The following PCDHGA10 variants were observed in gnomAD, a reference collection of about 807,000 sequenced individuals.
The protein encoded by PCDHGA10 is protocadherin gamma-A10.
In PCDHGA10, 42 loss-of-function variants were observed where a neutral mutation model predicts 59.5. The observed-to-expected ratio is 0.71, with a 90% CI of 0.55 to 0.91. The LOEUF is 0.91. Among genes scored for constraint, PCDHGA10 ranks in the 40% least tolerant of loss-of-function variants. The pLI, the probability that PCDHGA10 is intolerant of heterozygous loss-of-function variation, is 0.00. For missense variants in PCDHGA10, 1,111 were observed against 1,198.2 expected, an observed-to-expected ratio of 0.93 and a Z score of 1.07; for synonymous variants, 511 against 517.2, an observed-to-expected ratio of 0.99 and a Z score of 0.16.
rs1364415249 is a variant in PCDHGA10 at position 141,489,240 on chromosome 5, C to A, written c.2437-5567C>A. The stretch of plus-strand genomic sequence containing the variant: ...ACTCTCCACAAAGGGACTTCTGGGT[C>A]ATGGGGCCCAAGACACTCCCACAGC... On this transcript the variant is annotated intron_variant, in intron 1 of 3. Coordinates refer to ENST00000398610, the MANE Select transcript of PCDHGA10 (RefSeq NM_018913.3). The surrounding 1 kb of genome is among the most constrained non-coding windows in gnomAD (Gnocchi z 4.5). 1 of 1,534,136 alleles carries A rather than the reference C, an allele frequency of 6.5e-7. No individual in the cohort carries two copies. Among genetic ancestry groups the A allele is most frequent in the South Asian group, 1.3e-5 (1 of 76,896 alleles).
rs1455950284 is a variant in PCDHGA10 at position 141,414,163 on chromosome 5, G to A, written c.988G>A (p.Ala330Thr). ...AGAAATACAAGCAGAAGATGGAGGA[G>A]CATATCTTGCAACTGCAAAAGTGTT... ...EIEIQAEDGG[A>T]YLATAKVLIT... The change falls in exon 1 of 4, where the codon GCA (alanine) becomes ACA (threonine). Residue 330 changes from alanine to threonine, a missense_variant. By Grantham distance (58) the Ala-to-Thr change is moderately conservative. Transcript: ENST00000398610. The A allele has an allele frequency of 5.6e-6, 9 of 1,603,256 alleles. No individual in the cohort carries two copies. Among genetic ancestry groups the A allele is most frequent in the Non-Finnish European group, 7.7e-6 (9 of 1,174,742 alleles).
At chr5:141,420,483 T>C in intron 1 of PCDHGA10, 2 of 581,364 alleles carry the variant, frequency 3.4e-6, no homozygotes, top group Non-Finnish European at 5.2e-6. Context: ...GCAAACTACA[T>C]GGGTAATCTC....
rs1267617024 is a variant in PCDHGA10 at position 141,476,542 on chromosome 5, G to T, written c.2437-18265G>T. The T allele has an allele frequency of 6.2e-7, 1 of 1,614,210 alleles. No individual in the cohort carries two copies. The highest frequency in any genetic ancestry group is 1.7e-5 in the Admixed American group (1 of 60,036). On this transcript the variant is annotated intron_variant, in intron 1 of 3. Transcript: ENST00000398610. This position sits in a 1 kb window ranked among gnomAD's most constrained non-coding sequence, Gnocchi z 7.6. ...CTTTCCCTACCCAGGAAATGAAATT[G>T]GAGATTAGCGAGGCCGTGGCTCCGG...
chr5:141,475,616 G>A (rs2099366026), intron 1 of PCDHGA10, among the ~76,000 whole-genome samples: 1 of 152,206 alleles, frequency 6.6e-6, no homozygotes, highest in Admixed American at 6.5e-5. Flanking sequence ...GTAGTTTTCG[G>A]TTTGGTTCGA....
Position 141,489,629 on chromosome 5 carries a change from C to T in PCDHGA10, c.2437-5178C>T. Reference sequence around the variant, plus strand: ...GAGATCCTGGATCTCAATGACAACTCTCCTAGCTTTGCCACCCCTGAGCGA... The same window carrying T: ...GAGATCCTGGATCTCAATGACAACTTTCCTAGCTTTGCCACCCCTGAGCGA... On this transcript the variant is annotated intron_variant, in intron 1 of 3. Transcript: ENST00000398610. This position sits in a 1 kb window ranked among gnomAD's most constrained non-coding sequence, Gnocchi z 4.5. 6.2e-7 allele frequency: 1 copy of T among 1,614,142 alleles called. No homozygotes were observed. The highest frequency in any genetic ancestry group is 1.7e-5 in the Admixed American group (1 of 60,032).
intron 1 of PCDHGA10, chr5:141,441,802 T>C (rs2098274220): frequency 2.6e-6 from 1 of 382,538 alleles, no homozygotes; most frequent in South Asian, 2.1e-5. Flanking sequence ...GCACCGCGGG[T>C]GCTGTACCCC....
Position 141,477,588 on chromosome 5 carries a change from G to T in PCDHGA10, c.2437-17219G>T. 1 of 1,614,152 alleles carries T rather than the reference G, an allele frequency of 6.2e-7. No individual in the cohort carries two copies. The highest frequency in any genetic ancestry group is 8.5e-7 in the Non-Finnish European group (1 of 1,180,040). ...GACCCCGACGCCCCGCAGAATGCTCGGCTTTCTTTCTTTCTCTTGGAGCAA... is the reference window on the plus strand; with the variant it reads ...GACCCCGACGCCCCGCAGAATGCTCTGCTTTCTTTCTTTCTCTTGGAGCAA... On this transcript the variant is annotated intron_variant, in intron 1 of 3. Coordinates refer to ENST00000398610, the MANE Select transcript of PCDHGA10 (RefSeq NM_018913.3). This position sits in a 1 kb window ranked among gnomAD's most constrained non-coding sequence, Gnocchi z 4.9.
Position 141,485,261 on chromosome 5 carries a change from C to G in PCDHGA10, c.2437-9546C>G, listed in dbSNP as rs759268725. 1 of 1,614,076 alleles carries G rather than the reference C, an allele frequency of 6.2e-7. No homozygotes were observed. The highest frequency in any genetic ancestry group is 8.5e-7 in the Non-Finnish European group (1 of 1,179,904). On this transcript the variant is annotated intron_variant, in intron 1 of 3. Transcript: ENST00000398610. This position sits in a 1 kb window ranked among gnomAD's most constrained non-coding sequence, Gnocchi z 5.7. The stretch of plus-strand genomic sequence containing the variant: ...TTACCACCTGGGTTACGTTTGTGGG[C>G]AGATCCGCTACCCGGTCCCAGAGGA...
intron 1 of PCDHGA10, chr5:141,428,113 T>G: frequency 3.7e-6 from 6 of 1,607,492 alleles, no homozygotes; most frequent in Non-Finnish European, 5.1e-6. Context: ...CTGCAGGCCA[T>G]CGAGCCCGGG....
At position 141,426,439 on chromosome 5, in the gene PCDHGA10, G is replaced by C. The variant is rs149215795; in HGVS notation, c.2436+10828G>C. On this transcript the variant is annotated intron_variant, in intron 1 of 3. Transcript: ENST00000398610. ...GGGCTCCGTGGTGGGGAACCTTGCG[G>C]AGGACATGCGGCTGCATGTTCAGGA... 7.8e-4 allele frequency: 237 copies of C among 302,398 alleles called. 1 individual carries two copies. The highest frequency in any genetic ancestry group is 4.6e-3 in the African/African-American group (214 of 46,260). The allele number at this position is 302,398 out of a possible 1,614,324, so 18.7% of individuals were successfully genotyped here.
intron 1 of PCDHGA10, among the ~76,000 whole-genome samples, chr5:141,459,098 A>G (rs993134478): frequency 2.0e-5 from 3 of 152,206 alleles, no homozygotes; most frequent in African/African-American, 7.2e-5. Flanking sequence ...ATACAGTGCA[A>G]TGCATTTTGA....
At chr5:141,423,659 A>G in intron 1 of PCDHGA10, 2 of 1,551,038 alleles carry the variant, frequency 1.3e-6, no homozygotes, top group Non-Finnish European at 1.7e-6. Flanking sequence ...ACAAGTAATC[A>G]GGTGAGATTT....
chr5:141,432,250 A>C lies in PCDHGA10; in HGVS notation c.2436+16639A>C, dbSNP rs777728825. ...ATTCCCTGGCTGAGAACACCATCCA[A>C]GGGGCAAGCCTATCGTCCTACGTGT... On this transcript the variant is annotated intron_variant, in intron 1 of 3. Coordinates refer to ENST00000398610, the MANE Select transcript of PCDHGA10 (RefSeq NM_018913.3). This position sits in a 1 kb window ranked among gnomAD's most constrained non-coding sequence, Gnocchi z 6.0. 2 of 1,614,116 alleles carry C rather than the reference A, an allele frequency of 1.2e-6. No homozygotes were observed. The highest frequency in any genetic ancestry group is 1.7e-6 in the Non-Finnish European group (2 of 1,180,062).
intron 1 of PCDHGA10, chr5:141,423,117 G>A (rs1429958385): frequency 6.2e-7 from 1 of 1,613,698 alleles, no homozygotes; most frequent in Non-Finnish European, 8.5e-7. Flanking sequence ...TGCGTACAGC[G>A]CGGGCACTGC....
In PCDHGA10 at chr5:141,463,438, C is replaced by CTTT. The variant is rs71576115; in HGVS notation, c.2437-31343_2437-31341dup. ...GTTTGCGGATCCTCATTTCCTTCTC[C>CTTT]TTTTTTTTTTTTTTTTTTTTTTTTT... On this transcript the variant is annotated intron_variant, in intron 1 of 3. Coordinates refer to ENST00000398610, the MANE Select transcript of PCDHGA10 (RefSeq NM_018913.3). 5.0e-3 allele frequency among the ~76,000 whole-genome samples: 517 copies of CTTT among 103,248 alleles called. 61 individuals are homozygous for CTTT. The highest frequency in any genetic ancestry group is 0.017 in the African/African-American group (381 of 22,398). The allele number at this position is 103,248 out of a possible 152,430, so 67.7% of individuals were successfully genotyped here.
chr5:141,468,599 G>C (rs1055715232), intron 1 of PCDHGA10: 7 of 152,236 alleles, frequency 4.6e-5, no homozygotes, highest in African/African-American at 1.4e-4. Flanking sequence ...GGGCGCGGTG[G>C]CTCACGCCTG....
intron 3 of PCDHGA10, chr5:141,507,285 C>T (rs80317708): frequency 2.7e-5 from 4 of 150,212 alleles, no homozygotes; most frequent in African/African-American, 7.4e-5. Flanking sequence ...ATAAGTCAGT[C>T]TCAAATGTTG....
chr5:141,489,397 G>T lies in PCDHGA10; in HGVS notation c.2437-5410G>T. ...GGTGGGGAATGTTGCTCAGGATCTG[G>T]GCTTAAAGATGACAGATCTGTTGAG... On this transcript the variant is annotated intron_variant, in intron 1 of 3. Coordinates refer to ENST00000398610, the MANE Select transcript of PCDHGA10 (RefSeq NM_018913.3). The surrounding 1 kb of genome is among the most constrained non-coding windows in gnomAD (Gnocchi z 4.5). 2 of 1,614,176 alleles carry T rather than the reference G, an allele frequency of 1.2e-6. No individual in the cohort carries two copies. Among genetic ancestry groups the T allele is most frequent in the Non-Finnish European group, 1.7e-6 (2 of 1,180,038 alleles).
Position 141,476,129 on chromosome 5 carries a change from G to A in PCDHGA10, c.2437-18678G>A. ...GCTTTTGAGTGAGATGGTCCCAGAG[G>A]CCTGGAGGAGCGGACTGGTAAGCAC... On this transcript the variant is annotated intron_variant, in intron 1 of 3. Transcript: ENST00000398610. This position sits in a 1 kb window ranked among gnomAD's most constrained non-coding sequence, Gnocchi z 7.6. The A allele has an allele frequency of 6.2e-7, 1 of 1,606,848 alleles. No homozygotes were observed. The highest frequency in any genetic ancestry group is 8.5e-7 in the Non-Finnish European group (1 of 1,177,814).
Sources: gnomAD v4.1 joint callset for allele counts (sites outside exome capture counted in the v4.1 genomes callset) on GRCh38, gnomAD v4.1.1 for gene constraint, Gnocchi (gnomAD v3.1) non-coding constraint, MANE v1.5 for transcripts, NCBI Gene and HGNC (gene_info 2026-07-23, HGNC 2026-07-21) for gene names.